ALOX15B: variants seen among roughly 807,000 people sequenced by gnomAD.
The protein encoded by ALOX15B is arachidonate 15-lipoxygenase type B.
Under a neutral mutation model 73.8 loss-of-function variants are expected in ALOX15B, and 74 were observed. The ratio of observed to expected loss-of-function variants is 1.00; its 90% confidence interval spans 0.83 to 1.22. ALOX15B has a LOEUF of 1.22. Ranked by LOEUF, ALOX15B falls within the 50% of genes most tolerant of loss-of-function variation. The probability of loss-of-function intolerance (pLI) is 0.00; values close to 1 mark genes in which losing one functional copy is unlikely to be tolerated. For synonymous variants in ALOX15B, 353 were observed against 357.2 expected, an observed-to-expected ratio of 0.99 and a Z score of 0.13; for missense variants, 896 against 859.9, an observed-to-expected ratio of 1.04 and a Z score of -0.52.
At position 8,048,494 on chromosome 17, in the gene ALOX15B, C is replaced by T. The variant is rs768198349; in HGVS notation, c.1960C>T (p.Arg654Trp). The T allele has an allele frequency of 7.4e-6, 12 of 1,614,006 alleles. No individual in the cohort carries two copies. The East Asian group carries it at 8.9e-5, about 12-fold the overall frequency. ...CCAGATCTCGAGGGGCATCCAGGAG[C>T]GGAACCAGGGCCTGGTGCTGCCCTA... ...LAQISRGIQE[R>W]NQGLVLPYTY... The change falls in exon 14 of 14, where the codon CGG (arginine) becomes TGG (tryptophan). Residue 654 changes from arginine to tryptophan, a missense_variant. Transcript: ENST00000380183.
In ALOX15B at chr17:8,047,537, C is replaced by A. The variant is rs546641780; in HGVS notation, c.1580-27C>A. ...GCAGGGTCCTCAGGTCCCTGGAAGCCCCATCCCAGCCCAGCTCTCCTTGCA... is the reference window on the plus strand; with the variant it reads ...GCAGGGTCCTCAGGTCCCTGGAAGCACCATCCCAGCCCAGCTCTCCTTGCA... On this transcript the variant is annotated intron_variant, in intron 11 of 13. Coordinates refer to ENST00000380183, the MANE Select transcript of ALOX15B (RefSeq NM_001141.3). 505 of 1,578,934 alleles carry A rather than the reference C, an allele frequency of 3.2e-4. 1 individual carries two copies. The highest frequency in any genetic ancestry group is 5.8e-4 in the Middle Eastern group (3 of 5,158).
At chr17:8,047,960 A>G in intron 13 of ALOX15B, 45 bp downstream of exon 13, 2 of 1,599,430 alleles carry the variant, frequency 1.3e-6, no homozygotes, top group Non-Finnish European at 1.7e-6. Context: ...TTGGGGTAAG[A>G]GAGGGTGTGA....
intron 3 of ALOX15B, among the ~76,000 whole-genome samples, chr17:8,040,601 G>GAGAGAGAAGGAA (rs1555638441): frequency 9.1e-6 from 1 of 109,462 alleles, no homozygotes. Flanking sequence ...AAGAAAGAGA[G>GAGAGAGAAGGAA]AGAAAGAAAG....
At position 8,045,270 on chromosome 17, in the gene ALOX15B, C is replaced by T. The variant is rs772721293; in HGVS notation, c.882C>T (p.Ile294=). ...CCCTGTTCTTGGTGGATCACGGCAT[C>T]CTCTCTGGCATCCAGACCAATGTCA... is the stretch of plus-strand genomic sequence containing the variant. ...KGSLFLVDHG[I]LSGIQTNVIN... The change falls in exon 7 of 14, where the codon ATC becomes ATT. Residue 294 remains isoleucine, a synonymous_variant. Transcript: ENST00000380183. 3.1e-6 allele frequency: 5 copies of T among 1,614,200 alleles called. No homozygotes were observed. The East Asian group carries it at 1.1e-4, about 36-fold the overall frequency.
chr17:8,045,997 CCAA>C (rs3830683), intron 8 of ALOX15B, among the ~76,000 whole-genome samples: 56,227 of 148,772 alleles, frequency 0.38, 10,717 homozygotes, highest in Admixed American at 0.44. Flanking sequence ...CTTTGAGAGA[CCAA>C]CAAGTTCTCT....
At chr17:8,042,566 A>C in intron 4 of ALOX15B, 75 bp downstream of exon 4, 1 of 1,567,748 alleles carries the variant, frequency 6.4e-7, no homozygotes, top group Non-Finnish European at 8.7e-7. Flanking sequence ...TCCCCTAGTC[A>C]GTTCCCCCAC....
chr17:8,043,546 C>T (rs1302352356), intron 5 of ALOX15B, among the ~76,000 whole-genome samples: 1 of 152,212 alleles, frequency 6.6e-6, no homozygotes, highest in Non-Finnish European at 1.5e-5. Flanking sequence ...TTGCGTCTTT[C>T]CTCAGCCCAG....
In ALOX15B at chr17:8,046,820, G is replaced by A; in HGVS notation, c.1287+66G>A. 1 of 1,611,780 alleles carries A rather than the reference G, an allele frequency of 6.2e-7. No individual in the cohort carries two copies. Among genetic ancestry groups the A allele is most frequent in the Non-Finnish European group, 8.5e-7 (1 of 1,178,336 alleles). On this transcript the variant is annotated intron_variant, in intron 9 of 13. Transcript: ENST00000380183. ...TCAATGTGACGAATTTGAGGTCCTGGGGTAGGAGTGGCCCATCTCCCCGAC... is the reference window on the plus strand; with the variant it reads ...TCAATGTGACGAATTTGAGGTCCTGAGGTAGGAGTGGCCCATCTCCCCGAC...
rs778111500 is a variant in ALOX15B at position 8,046,857 on chromosome 17, C to T, written c.1288-50C>T. The T allele has an allele frequency of 6.2e-6, 10 of 1,611,694 alleles. No individual in the cohort carries two copies. The Admixed American group carries it at 1.5e-4, about 24-fold the overall frequency. ...CCCATCTCCCCGACACCAGTGCTAC[C>T]TCCTGCTTCTGGAGCAAGGTCTGTA... is the stretch of plus-strand genomic sequence containing the variant. On this transcript the variant is annotated intron_variant, in intron 9 of 13. Coordinates refer to ENST00000380183, the MANE Select transcript of ALOX15B (RefSeq NM_001141.3).
intron 3 of ALOX15B, among the ~76,000 whole-genome samples, chr17:8,040,628 A>AAAGAAAGAAAGAAAGG (rs1976427650): frequency 1.5e-5 from 2 of 130,144 alleles, no homozygotes; most frequent in East Asian, 4.7e-4. Flanking sequence ...AGAAAGAAAG[A>AAAGAAAGAAAGAAAGG]AAGAAAGAAA....
At chr17:8,048,356 G>T in intron 13 of ALOX15B, 30 bp from the exon 14 acceptor site, 1 of 1,593,526 alleles carries the variant, frequency 6.3e-7, no homozygotes, top group Non-Finnish European at 8.6e-7. Flanking sequence ...CTCAGCAGCC[G>T]CCTCACCCAA....
In ALOX15B at chr17:8,039,106, C is replaced by T; in HGVS notation, c.-50C>T. On this transcript the variant is annotated 5_prime_UTR_variant, in exon 1 of 14. Transcript: ENST00000380183. Reference sequence around the variant, plus strand: ...AACCAGGCGTGTCCCAGGGGGGAGCCCCGCTCTGCAGCCCTGTGCGCCGTA... The same window carrying T: ...AACCAGGCGTGTCCCAGGGGGGAGCTCCGCTCTGCAGCCCTGTGCGCCGTA... 1 of 1,583,104 alleles carries T rather than the reference C, an allele frequency of 6.3e-7. No individual in the cohort carries two copies. The highest frequency in any genetic ancestry group is 8.6e-7 in the Non-Finnish European group (1 of 1,166,574).
chr17:8,047,123 A>G, intron 10 of ALOX15B, 47 bp downstream of exon 10: 1 of 1,611,308 alleles, frequency 6.2e-7, no homozygotes, highest in Non-Finnish European at 8.5e-7. Context: ...GGGACGTGGG[A>G]AGACAGGAAA....
In ALOX15B at chr17:8,045,468, C is replaced by A; in HGVS notation, c.997-15C>A. The A allele has an allele frequency of 6.2e-7, 1 of 1,614,016 alleles. No individual in the cohort carries two copies. The highest frequency in any genetic ancestry group is 8.5e-7 in the Non-Finnish European group (1 of 1,179,988). On this transcript the variant is annotated splice_polypyrimidine_tract_variant and intron_variant, in intron 7 of 13. Coordinates refer to ENST00000380183, the MANE Select transcript of ALOX15B (RefSeq NM_001141.3). ...ACACTCATGGCTGCCTCTCTCCCCA[C>A]CTGCCTCCCCCCAGCTCAGCCAGAC...
chr17:8,043,915 A>G (rs1183390247), intron 5 of ALOX15B, among the ~76,000 whole-genome samples: 3 of 152,132 alleles, frequency 2.0e-5, no homozygotes, highest in Admixed American at 2.0e-4. Context: ...CTAAAAATAC[A>G]AAACTTAGCC....
chr17:8,048,693 C>A lies in ALOX15B; in HGVS notation c.*128C>A. 1 of 988,756 alleles carries A rather than the reference C, an allele frequency of 1.0e-6. No individual in the cohort carries two copies. Among genetic ancestry groups the A allele is most frequent in the Non-Finnish European group, 1.5e-6 (1 of 689,390 alleles). The allele number at this position is 988,756 out of a possible 1,614,324, so 61.2% of individuals were successfully genotyped here. On this transcript the variant is annotated 3_prime_UTR_variant, in exon 14 of 14. Transcript: ENST00000380183. Reference sequence around the variant, plus strand: ...GTGCCTCTCCTGGGACAACCAGACTCTGTAACTCACCCCCACCACCATACA... The same window carrying A: ...GTGCCTCTCCTGGGACAACCAGACTATGTAACTCACCCCCACCACCATACA...
chr17:8,042,608 A>G, intron 4 of ALOX15B, 117 bp downstream of exon 4: 1 of 1,456,324 alleles, frequency 6.9e-7, no homozygotes, highest in Non-Finnish European at 9.4e-7. Context: ...AGTCCTGCCC[A>G]GGAAACAGCC....
chr17:8,042,692 T>C (rs559193236), intron 4 of ALOX15B, 89 bp from the exon 5 acceptor site: 10 of 1,390,178 alleles, frequency 7.2e-6, no homozygotes, highest in Admixed American at 6.3e-5. Flanking sequence ...GGAGGCTGGT[T>C]CAGGATCCCA....
intron 5 of ALOX15B, among the ~76,000 whole-genome samples, chr17:8,043,104 A>G (rs1481530124): frequency 6.6e-6 from 1 of 152,198 alleles, no homozygotes; most frequent in Non-Finnish European, 1.5e-5. Context: ...GAGCTGCTAC[A>G]TATCAGACAC....
Sources: gnomAD v4.1 joint callset for allele counts (sites outside exome capture counted in the v4.1 genomes callset) on GRCh38, gnomAD v4.1.1 for gene constraint, MANE v1.5 for transcripts, NCBI Gene and HGNC (gene_info 2026-07-23, HGNC 2026-07-21) for gene names.